SPATC1L: variants seen among roughly 807,000 people sequenced by gnomAD.
SPATC1L encodes spermatogenesis and centriole associated 1 like.
A neutral mutation model predicts 21.2 loss-of-function variants in SPATC1L; 20 were observed. That is an observed-to-expected ratio of 0.94 (90% confidence interval 0.66 to 1.37). SPATC1L has a LOEUF of 1.37. Ranked by LOEUF, SPATC1L falls within the 40% of genes most tolerant of loss-of-function variation. The pLI is 0.00. For missense variants in SPATC1L, 499 were observed against 478.7 expected, an observed-to-expected ratio of 1.04 and a Z score of -0.40; for synonymous variants, 290 against 234.5, an observed-to-expected ratio of 1.24 and a Z score of -2.16.
intron 2 of SPATC1L, among the ~76,000 whole-genome samples, chr21:46,171,169 C>T (rs2079586992): frequency 1.3e-5 from 2 of 152,358 alleles, no homozygotes; most frequent in Middle Eastern, 3.4e-3. Flanking sequence ...CTGAATATTC[C>T]CCAACCAGGC....
chr21:46,166,524 G>C (rs2079541327), intron 3 of SPATC1L, among the ~76,000 whole-genome samples: 1 of 152,056 alleles, frequency 6.6e-6, no homozygotes, highest in South Asian at 2.1e-4. Context: ...ACCATCTGCT[G>C]CCTACAAGAA....
rs997408047 is a variant in SPATC1L at position 46,161,281 on chromosome 21, G to A, written c.*98C>T. 48 of 1,207,572 alleles carry A rather than the reference G, an allele frequency of 4.0e-5. No individual in the cohort carries two copies. In the Admixed American group the frequency reaches 7.1e-4, roughly 18 times the overall value. 74.8% of individuals were successfully genotyped at this position (1,207,572 alleles called of 1,614,324 possible). A position where few individuals can be genotyped will look rare whatever the true frequency, so the allele number is the denominator to read the frequency against. ...TTCTCTGGCCTCGCGCGCGGGGGAC[G>A]CGGCCCTTTCCCCTCCGGGGGGACG... On this transcript the variant is annotated 3_prime_UTR_variant, in exon 5 of 5. Coordinates refer to ENST00000291672, the MANE Select transcript of SPATC1L (RefSeq NM_001142854.2).
chr21:46,181,867 A>C (rs2079676727), intron 2 of SPATC1L, among the ~76,000 whole-genome samples: 1 of 152,224 alleles, frequency 6.6e-6, no homozygotes, highest in Non-Finnish European at 1.5e-5. Flanking sequence ...CCCAACAAAA[A>C]GTCAAGGGTA....
Position 46,171,408 on chromosome 21 carries a change from G to A in SPATC1L, c.194-2750C>T, listed in dbSNP as rs543601192. 5.0e-5 allele frequency among the ~76,000 whole-genome samples: 6 copies of A among 118,846 alleles called. No individual in the cohort carries two copies. In the East Asian group the frequency reaches 6.3e-4, roughly 12 times the overall value. The allele number at this position is 118,846 out of a possible 152,430, so 78.0% of individuals were successfully genotyped here. ...CGTGCCACTGCAATCCAGCCTGGGC[G>A]ACAGAGCAAGAATCCATCTCAAAAA... is the stretch of plus-strand genomic sequence containing the variant. On this transcript the variant is annotated intron_variant, in intron 2 of 4. Coordinates refer to ENST00000291672, the MANE Select transcript of SPATC1L (RefSeq NM_001142854.2).
intron 2 of SPATC1L, among the ~76,000 whole-genome samples, chr21:46,179,488 A>C (rs2079656195): frequency 6.6e-6 from 1 of 152,162 alleles, no homozygotes; most frequent in South Asian, 2.1e-4. Flanking sequence ...AGGGGAAGAA[A>C]AACTTTAATT....
intron 2 of SPATC1L, among the ~76,000 whole-genome samples, chr21:46,175,529 C>T (rs182324038): frequency 6.6e-6 from 1 of 152,194 alleles, no homozygotes; most frequent in Admixed American, 6.5e-5. Flanking sequence ...ATTATGAAAA[C>T]CTCTATACAC....
At chr21:46,170,971 T>A (rs1478259193) in intron 2 of SPATC1L, among the ~76,000 whole-genome samples, 2 of 148,066 alleles carry the variant, frequency 1.4e-5, no homozygotes, top group African/African-American at 2.5e-5. Context: ...TCTGTAAACA[T>A]CCTCTGTGGA....
chr21:46,178,176 G>A (rs570006562), intron 2 of SPATC1L, among the ~76,000 whole-genome samples: 17 of 147,186 alleles, frequency 1.2e-4, no homozygotes, highest in African/African-American at 3.5e-4. Context: ...AGGTTGCAGC[G>A]AGCCGAGATC....
intron 3 of SPATC1L, among the ~76,000 whole-genome samples, chr21:46,164,676 C>CTGAGG (rs2079527472): frequency 6.6e-6 from 1 of 151,744 alleles, no homozygotes; most frequent in African/African-American, 2.4e-5. Flanking sequence ...CCTGTAATCC[C>CTGAGG]AGCTACTGAG....
At position 46,182,170 on chromosome 21, in the gene SPATC1L, C is replaced by T. The variant is rs570133922; in HGVS notation, c.193+454G>A. ...ACCATGGGGCTGGCCTGGCTCTGGC[C>T]GGGGACATGAGTGGATGGGACACAG... is the stretch of plus-strand genomic sequence containing the variant. On this transcript the variant is annotated intron_variant, in intron 2 of 4. Coordinates refer to ENST00000291672, the MANE Select transcript of SPATC1L (RefSeq NM_001142854.2). Among the ~76,000 whole-genome samples the T allele has an allele frequency of 2.6e-5, 4 of 152,242 alleles. No individual in the cohort carries two copies. The East Asian group carries it at 5.8e-4, about 22-fold the overall frequency.
chr21:46,182,487 T>C (rs980613323), intron 2 of SPATC1L, 137 bp downstream of exon 2: 16 of 794,710 alleles, frequency 2.0e-5, no homozygotes, highest in Non-Finnish European at 3.0e-5. Flanking sequence ...CTGGTCTTGC[T>C]TTACTCAGAC....
Position 46,162,001 on chromosome 21 carries a change from T to C in SPATC1L, c.611A>G (p.Asp204Gly). 1 of 1,603,286 alleles carries C rather than the reference T, an allele frequency of 6.2e-7. No homozygotes were observed. Among genetic ancestry groups the C allele is most frequent in the Non-Finnish European group, 8.5e-7 (1 of 1,177,200 alleles). ...GAACACGTAGGCCAGGATGCGGCGG[T>C]CCAGCTGGAAGGCGATCTCGCCCAC... ...RVVGEIAFQL[D>G]RRILAYVFPG... is the part of the protein sequence containing the mutation. The change falls in exon 4 of 5, where the codon GAC (aspartate) becomes GGC (glycine). Residue 204 changes from aspartate (D) to glycine (G), a missense_variant. Physicochemically the swap from Asp to Gly is moderately conservative, Grantham distance 94. Coordinates refer to ENST00000291672, the MANE Select transcript of SPATC1L (RefSeq NM_001142854.2).
In SPATC1L at chr21:46,161,678, C is replaced by G. The variant is rs1470356391; in HGVS notation, c.724G>C (p.Val242Leu). The G allele has an allele frequency of 1.2e-6, 2 of 1,604,718 alleles. No homozygotes were observed. The highest frequency in any genetic ancestry group is 1.7e-6 in the Non-Finnish European group (2 of 1,176,336). Residue 242 changes from valine to leucine, a missense_variant, in exon 5 of 5, where the codon GTG becomes CTG. Physicochemically the swap from Val to Leu is conservative, Grantham distance 32. Coordinates refer to ENST00000291672, the MANE Select transcript of SPATC1L (RefSeq NM_001142854.2). ...QTSTKSLDGS[V>L]DERKLRELTQ... is the part of the protein sequence containing the mutation. ...AGCTCGCGCAGCTTCCTCTCGTCCA[C>G]GGAGCCGTCCAGAGACTTGGTGGAG...
Position 46,161,964 on chromosome 21 carries a change from C to A in SPATC1L, c.648G>T (p.Thr216=), listed in dbSNP as rs763370291. 11 of 1,608,076 alleles carry A rather than the reference C, an allele frequency of 6.8e-6. No homozygotes were observed. The highest frequency in any genetic ancestry group is 1.3e-5 in the African/African-American group (1 of 74,912). Reference sequence around the variant, plus strand: ...TGGCCACCGTGAAGCCGTAGAGCCGCGTCACGCCCGGGAACACGTAGGCCA... The same window carrying A: ...TGGCCACCGTGAAGCCGTAGAGCCGAGTCACGCCCGGGAACACGTAGGCCA... ...RILAYVFPGV[T]RLYGFTVANI... is the part of the protein sequence containing the mutation. Residue 216 remains threonine (T), a synonymous_variant, in exon 4 of 5, where the codon ACG becomes ACT. Transcript: ENST00000291672.
intron 2 of SPATC1L, among the ~76,000 whole-genome samples, chr21:46,169,228 C>T (rs1228482235): frequency 3.3e-5 from 5 of 152,164 alleles, no homozygotes; most frequent in Non-Finnish European, 7.3e-5. Flanking sequence ...TAATTGGCCT[C>T]CCGGGAGGAG....
chr21:46,167,046 T>C (rs1186623077), intron 3 of SPATC1L, among the ~76,000 whole-genome samples: 1 of 151,922 alleles, frequency 6.6e-6, no homozygotes, highest in Non-Finnish European at 1.5e-5. Flanking sequence ...TCTTTAAAAA[T>C]CAAAAAAATT....
chr21:46,169,269 G>A (rs956294858), intron 2 of SPATC1L, among the ~76,000 whole-genome samples: 6 of 127,054 alleles, frequency 4.7e-5, no homozygotes, highest in African/African-American at 1.3e-4. Flanking sequence ...CTCTGTGGAT[G>A]AGGAGGAGCC....
At chr21:46,166,887 G>T (rs995314983) in intron 3 of SPATC1L, among the ~76,000 whole-genome samples, 1 of 152,098 alleles carries the variant, frequency 6.6e-6, no homozygotes, top group African/African-American at 2.4e-5. Flanking sequence ...GAAAATCAAA[G>T]AAATATCAGA....
At chr21:46,174,294 A>G (rs958314559) in intron 2 of SPATC1L, among the ~76,000 whole-genome samples, 2 of 146,082 alleles carry the variant, frequency 1.4e-5, no homozygotes, top group African/African-American at 2.6e-5. Flanking sequence ...GTGCTACTGC[A>G]CTCCAGCCTG....
Sources: allele counts gnomAD v4.1 joint callset (sites outside exome capture counted in the v4.1 genomes callset), GRCh38; gene constraint gnomAD v4.1.1; transcripts MANE v1.5; gene names NCBI Gene and HGNC (gene_info 2026-07-23, HGNC 2026-07-21).